The following CUX2 variants were observed in gnomAD, a reference collection of about 807,000 sequenced individuals.
CUX2 encodes cut like homeobox 2.
In CUX2, 40 loss-of-function variants were observed where a neutral mutation model predicts 144.8. The ratio of observed to expected loss-of-function variants is 0.28; its 90% confidence interval spans 0.21 to 0.36. CUX2 has a LOEUF of 0.36. Among genes scored for constraint, CUX2 ranks in the 10% least tolerant of loss-of-function variants. The pLI is 1.00. For missense variants in CUX2, 1,615 were observed against 1,994.0 expected, an observed-to-expected ratio of 0.81 and a Z score of 3.62; for synonymous variants, 827 against 875.6, an observed-to-expected ratio of 0.94 and a Z score of 0.98.
chr12:111,038,234 A>T (rs1869555187), intron 1 of CUX2, among the ~76,000 whole-genome samples: 1 of 152,246 alleles, frequency 6.6e-6, no homozygotes. Flanking sequence ...GAGTTTAGAC[A>T]TCCATTAGAG....
At position 111,310,789 on chromosome 12, in the gene CUX2, C is replaced by A; in HGVS notation, c.1900+107C>A. On this transcript the variant is annotated intron_variant, in intron 15 of 21. Transcript: ENST00000261726. This position sits in a 1 kb window ranked among gnomAD's most constrained non-coding sequence, Gnocchi z 7.9. ...CTGGGTTCAAAGCCCAGCTCTACCA[C>A]CACCTGGCTGTGTGACCCAGGGCCA... is the stretch of plus-strand genomic sequence containing the variant. 1 of 1,305,968 alleles carries A rather than the reference C, an allele frequency of 7.7e-7. No individual in the cohort carries two copies. Among genetic ancestry groups the A allele is most frequent in the Non-Finnish European group, 1.0e-6 (1 of 975,626 alleles). The allele number at this position is 1,305,968 out of a possible 1,614,324, so 80.9% of individuals were successfully genotyped here.
At chr12:111,341,671 G>A in intron 20 of CUX2, 109 bp from the exon 21 acceptor site, 2 of 1,301,780 alleles carry the variant, frequency 1.5e-6, no homozygotes, top group Non-Finnish European at 2.1e-6. Context: ...GGGCATGATG[G>A]CCTCCGAGTG....
intron 1 of CUX2, among the ~76,000 whole-genome samples, chr12:111,081,407 C>T (rs1871877836): frequency 6.6e-6 from 1 of 152,096 alleles, no homozygotes; most frequent in Non-Finnish European, 1.5e-5. Flanking sequence ...AAAGCCACTG[C>T]CAAGCAGCAC....
intron 21 of CUX2, among the ~76,000 whole-genome samples, chr12:111,343,836 G>A (rs547120450): frequency 5.3e-5 from 8 of 152,180 alleles, no homozygotes; most frequent in East Asian, 1.9e-4. Context: ...CAAGGCAGGC[G>A]GATCACCTGA....
intron 1 of CUX2, among the ~76,000 whole-genome samples, chr12:111,167,309 A>G (rs1222836419): frequency 6.7e-6 from 1 of 150,086 alleles, no homozygotes. Flanking sequence ...TAAAGTTCAC[A>G]CTCCTTGACT....
At chr12:111,067,337 G>A (rs1016150758) in intron 1 of CUX2, among the ~76,000 whole-genome samples, 1 of 152,174 alleles carries the variant, frequency 6.6e-6, no homozygotes, top group Non-Finnish European at 1.5e-5. Context: ...GCTGAGACGT[G>A]GGAAGGAAGA....
chr12:111,143,519 T>G (rs1410094435), intron 1 of CUX2, among the ~76,000 whole-genome samples: 1 of 152,244 alleles, frequency 6.6e-6, no homozygotes, highest in Non-Finnish European at 1.5e-5. Flanking sequence ...GTTGATGGAT[T>G]ACATTGATGT....
At chr12:111,302,899 TA>T (rs35454022) in intron 9 of CUX2, among the ~76,000 whole-genome samples, 33,432 of 109,282 alleles carry the variant, frequency 0.31, 5,676 homozygotes, top group East Asian at 0.71. Context: ...GACTCTGTCT[TA>T]AAAAAAAAAA....
chr12:111,194,790 G>C (rs894332026), intron 1 of CUX2, among the ~76,000 whole-genome samples: 2 of 152,254 alleles, frequency 1.3e-5, no homozygotes, highest in African/African-American at 4.8e-5. Context: ...CTTCAGACGA[G>C]AGGCTGATTA....
chr12:111,196,007 C>T (rs1880216939), intron 1 of CUX2, among the ~76,000 whole-genome samples: 1 of 152,150 alleles, frequency 6.6e-6, no homozygotes, highest in Non-Finnish European at 1.5e-5. Context: ...GGTCCTTTTC[C>T]AGTCACTGTC....
intron 1 of CUX2, among the ~76,000 whole-genome samples, chr12:111,187,367 C>T (rs973360233): frequency 6.6e-6 from 1 of 152,166 alleles, no homozygotes; most frequent in Non-Finnish European, 1.5e-5. Context: ...GCCTGAGTCC[C>T]CGCTCGTTTA....
chr12:111,054,153 C>CAAAAAA (rs1870411549), intron 1 of CUX2, among the ~76,000 whole-genome samples: 1 of 152,134 alleles, frequency 6.6e-6, no homozygotes, highest in Admixed American at 6.5e-5. Context: ...GACTCCATCT[C>CAAAAAA]AAAACAAAAA....
intron 1 of CUX2, among the ~76,000 whole-genome samples, chr12:111,122,726 G>A (rs1277084776): frequency 6.6e-6 from 1 of 152,156 alleles, no homozygotes; most frequent in African/African-American, 2.4e-5. Flanking sequence ...CAATTTGCAC[G>A]AGCAATAAAT....
chr12:111,283,912 A>C (rs929474570), intron 4 of CUX2, among the ~76,000 whole-genome samples: 3 of 152,028 alleles, frequency 2.0e-5, no homozygotes, highest in Non-Finnish European at 4.4e-5. Context: ...CCAATACACC[A>C]TGCTCTGAAA....
At chr12:111,176,736 C>T (rs1228727230) in intron 1 of CUX2, among the ~76,000 whole-genome samples, 1 of 152,228 alleles carries the variant, frequency 6.6e-6, no homozygotes. Flanking sequence ...ACCATCAGGG[C>T]TGCTTTCCTT....
intron 1 of CUX2, among the ~76,000 whole-genome samples, chr12:111,076,624 C>G (rs528736935): frequency 6.6e-5 from 10 of 152,220 alleles, no homozygotes; most frequent in Non-Finnish European, 1.3e-4. Flanking sequence ...ATAGATACAA[C>G]TCACCCTTCT....
At chr12:111,232,907 A>T (rs1030698995) in intron 3 of CUX2, among the ~76,000 whole-genome samples, 8 of 152,218 alleles carry the variant, frequency 5.3e-5, no homozygotes, top group African/African-American at 1.4e-4. Flanking sequence ...CTTTCGCGGG[A>T]AGACAGTTGT....
chr12:111,240,574 G>A (rs1358781509), intron 3 of CUX2, among the ~76,000 whole-genome samples: 2 of 152,146 alleles, frequency 1.3e-5, no homozygotes, highest in Admixed American at 6.5e-5. Context: ...ACAATGCCTC[G>A]GTGCAAAAAT....
chr12:111,143,065 T>C (rs995740068), intron 1 of CUX2, among the ~76,000 whole-genome samples: 23 of 152,214 alleles, frequency 1.5e-4, no homozygotes, highest in Non-Finnish European at 2.9e-4. Flanking sequence ...CCCACTGTCT[T>C]TGCACTTTGT....
Sources: allele counts gnomAD v4.1 joint callset (sites outside exome capture counted in the v4.1 genomes callset), GRCh38; gene constraint gnomAD v4.1.1; non-coding constraint Gnocchi (gnomAD v3.1); transcripts MANE v1.5; gene names NCBI Gene and HGNC (gene_info 2026-07-23, HGNC 2026-07-21).